Variants in P3H2 observed in about 807,000 individuals in gnomAD.
P3H2 encodes the protein leprecan-like 1.
A neutral mutation model predicts 87.0 loss-of-function variants in P3H2; 80 were observed. That is an observed-to-expected ratio of 0.92 (90% CI 0.77 to 1.11). The LOEUF (loss-of-function observed/expected upper bound fraction) is 1.11. Ranked by LOEUF, P3H2 falls within the 50% of genes least tolerant of loss-of-function variation. The pLI, the probability that P3H2 is intolerant of heterozygous loss-of-function variation, is 0.00. For synonymous variants in P3H2, 367 were observed against 359.3 expected (o/e 1.02, Z -0.24); for missense variants, 1,001 against 923.9 (o/e 1.08, Z -1.08).
intron 12 of P3H2, chr3:189,971,441 A>T (rs3773935): frequency 0.48 from 125,401 of 262,530 alleles, 30,537 homozygotes; most frequent in East Asian, 0.52. Flanking sequence ...CTCAATAGGT[A>T]AGGACATTCT....
chr3:189,977,143 A>G (rs1450283338), intron 8 of P3H2, among the ~76,000 whole-genome samples: 2 of 152,208 alleles, frequency 1.3e-5, no homozygotes. Flanking sequence ...GCCTCCCAAC[A>G]TTCATACAGC....
chr3:190,025,712 A>G (rs1236809844), intron 1 of P3H2, among the ~76,000 whole-genome samples: 2 of 152,224 alleles, frequency 1.3e-5, no homozygotes, highest in Non-Finnish European at 2.9e-5. Context: ...GAAAGAAAAT[A>G]AAATGAATTC....
At chr3:190,007,965 C>CACACACACATATATATAT in intron 1 of P3H2, among the ~76,000 whole-genome samples, 6,140 of 94,242 alleles carry the variant, frequency 0.065, 395 homozygotes, top group Admixed American at 0.15. Context: ...TGTTGACACA[C>CACACACACATATATATAT]ATATATATAT....
At chr3:190,041,926 T>C (rs1725649833) in intron 1 of P3H2, among the ~76,000 whole-genome samples, 1 of 152,208 alleles carries the variant, frequency 6.6e-6, no homozygotes, top group Admixed American at 6.6e-5. Flanking sequence ...GTTTGTTTAT[T>C]TTTCTTACCT....
intron 1 of P3H2, among the ~76,000 whole-genome samples, chr3:190,073,529 T>G (rs2108974505): frequency 6.6e-6 from 1 of 152,194 alleles, no homozygotes; most frequent in African/African-American, 2.4e-5. Flanking sequence ...AGGCCTAGAG[T>G]ACATCCTGTC....
chr3:190,120,819 G>A lies in P3H2; in HGVS notation c.-88C>T. On this transcript the variant is annotated 5_prime_UTR_variant, in exon 1 of 15. Coordinates refer to ENST00000319332, the MANE Select transcript of P3H2 (RefSeq NM_018192.4). ...GGGTCCCCTCTCCCACCTTCCCTCG[G>A]GGAAGCGCGCCGACTCCGCCGCGAT... 1.4e-6 allele frequency: 2 copies of A among 1,464,984 alleles called. No individual in the cohort carries two copies. Among genetic ancestry groups the A allele is most frequent in the East Asian group, 2.8e-5 (1 of 35,730 alleles). The allele number at this position is 1,464,984 out of a possible 1,614,324, so 90.7% of individuals were successfully genotyped here. A position where few individuals can be genotyped will look rare whatever the true frequency, so the allele number is the denominator to read the frequency against.
intron 3 of P3H2, among the ~76,000 whole-genome samples, chr3:189,989,971 A>T (rs1719604): frequency 1.3e-5 from 2 of 152,108 alleles, no homozygotes; most frequent in Admixed American, 1.3e-4. Flanking sequence ...AGCAAGAAAG[A>T]TTCATTCATG....
Position 189,972,899 on chromosome 3 carries a change from G to A in P3H2, c.1674C>T (p.His558=). 1 of 1,614,092 alleles carries A rather than the reference G, an allele frequency of 6.2e-7. No individual in the cohort carries two copies. Among genetic ancestry groups the A allele is most frequent in the Non-Finnish European group, 8.5e-7 (1 of 1,179,974 alleles). The change falls in exon 11 of 15, where the codon CAC becomes CAT. Residue 558 remains histidine, a synonymous_variant. Coordinates refer to ENST00000319332, the MANE Select transcript of P3H2 (RefSeq NM_018192.4). ...CAGACAGGGCTGTTCGGCAGACCAT[G>A]TGTGTATAGGAAAAATACAGAGTTG... The part of the protein sequence containing the change: ...LNSTLYFSYT[H]MVCRTALSGQ...
intron 8 of P3H2, 36 bp downstream of exon 8, chr3:189,983,010 C>T (rs2108915817): frequency 6.7e-7 from 1 of 1,492,550 alleles, no homozygotes; most frequent in Non-Finnish European, 9.4e-7. Flanking sequence ...CTTCCCCTTC[C>T]CCTCCTTTAT....
chr3:189,977,747 C>T (rs754908887), intron 8 of P3H2, among the ~76,000 whole-genome samples: 9 of 151,510 alleles, frequency 5.9e-5, no homozygotes, highest in East Asian at 5.8e-4. Context: ...ACTATAGGCA[C>T]GCACCACCAT....
chr3:190,117,938 G>A (rs858133), intron 1 of P3H2, among the ~76,000 whole-genome samples: 2 of 152,182 alleles, frequency 1.3e-5, no homozygotes, highest in Non-Finnish European at 2.9e-5. Flanking sequence ...TCTGCTCTCA[G>A]AAATATTGCT....
chr3:190,016,312 C>T (rs545897341), intron 1 of P3H2, among the ~76,000 whole-genome samples: 26 of 149,590 alleles, frequency 1.7e-4, no homozygotes, highest in Non-Finnish European at 6.0e-5. Flanking sequence ...GGTGTGATCT[C>T]GGCGCACTGC....
rs531058271 is a variant in P3H2 at position 190,088,581 on chromosome 3, T to C, written c.480+31671A>G. Reference sequence around the variant, plus strand: ...TATTCTGCTCTTGGATGGTACTTGATAACTGAATTATTAGGGTCAAAATTA... The same window carrying C: ...TATTCTGCTCTTGGATGGTACTTGACAACTGAATTATTAGGGTCAAAATTA... On this transcript the variant is annotated intron_variant, in intron 1 of 14. Transcript: ENST00000319332. 2.0e-5 allele frequency among the ~76,000 whole-genome samples: 3 copies of C among 152,304 alleles called. No homozygotes were observed. The South Asian group carries it at 6.2e-4, about 32-fold the overall frequency.
intron 1 of P3H2, among the ~76,000 whole-genome samples, chr3:190,025,116 G>C (rs1273420257): frequency 2.6e-5 from 4 of 151,924 alleles, no homozygotes; most frequent in Admixed American, 6.6e-5. Context: ...CTACGAAATG[G>C]GGGCTTCCTG....
intron 1 of P3H2, among the ~76,000 whole-genome samples, chr3:190,050,578 C>A (rs1419772012): frequency 6.6e-6 from 1 of 151,994 alleles, no homozygotes; most frequent in Admixed American, 6.6e-5. Context: ...CTTTCGAGTC[C>A]TCATAAATAT....
At chr3:190,039,991 A>G (rs1394653950) in intron 1 of P3H2, among the ~76,000 whole-genome samples, 1 of 152,246 alleles carries the variant, frequency 6.6e-6, no homozygotes, top group Non-Finnish European at 1.5e-5. Flanking sequence ...GAACAGAACA[A>G]AAACTCACAG....
At chr3:190,071,978 GTTTT>G (rs60227697) in intron 1 of P3H2, among the ~76,000 whole-genome samples, 1 of 119,240 alleles carries the variant, frequency 8.4e-6, no homozygotes, top group African/African-American at 3.4e-5. Flanking sequence ...AAGATGAAGG[GTTTT>G]TTTTTTTTTT....
At chr3:190,007,965 C>CACACACACACACACACACACATATATAT in intron 1 of P3H2, among the ~76,000 whole-genome samples, 22 of 94,358 alleles carry the variant, frequency 2.3e-4, no homozygotes, top group Admixed American at 6.9e-4. Flanking sequence ...TGTTGACACA[C>CACACACACACACACACACACATATATAT]ATATATATAT....
chr3:189,995,340 C>A lies in P3H2; in HGVS notation c.583G>T (p.Ala195Ser). The A allele has an allele frequency of 1.2e-6, 2 of 1,614,102 alleles. No homozygotes were observed. The highest frequency in any genetic ancestry group is 1.7e-6 in the Non-Finnish European group (2 of 1,180,022). ...ACCAACTGCAATGCTTCAACACCAG[C>A]TGTCGCCCTGTAATTCTCAATGTTC... ...QQNIENYRAT[A>S]GVEALQLVDR... The change falls in exon 2 of 15, where the codon GCT becomes TCT. Residue 195 changes from alanine (A) to serine (S), a missense_variant. Coordinates refer to ENST00000319332, the MANE Select transcript of P3H2 (RefSeq NM_018192.4).
Sources: gnomAD v4.1 joint callset for allele counts (sites outside exome capture counted in the v4.1 genomes callset) on GRCh38, gnomAD v4.1.1 for gene constraint, MANE v1.5 for transcripts, NCBI Gene and HGNC (gene_info 2026-07-23, HGNC 2026-07-21) for gene names.